Variants in ADNP2 observed in about 807,000 individuals in gnomAD.
ADNP2 encodes the protein activity-dependent neuroprotector homeobox protein 2.
Under a neutral mutation model 16.4 loss-of-function variants are expected in ADNP2, and 8 were observed. That is an observed-to-expected ratio of 0.49 (90% CI 0.29 to 0.88). The LOEUF (loss-of-function observed/expected upper bound fraction) is 0.88. Ranked by LOEUF, ADNP2 falls within the 40% of genes least tolerant of loss-of-function variation. The pLI, the probability that ADNP2 is intolerant of heterozygous loss-of-function variation, is 0.09. For synonymous variants in ADNP2, 637 were observed against 545.8 expected, an observed-to-expected ratio of 1.17 and a Z score of -2.33; for missense variants, 1,397 against 1,395.1, an observed-to-expected ratio of 1.00 and a Z score of -0.02.
intron 2 of ADNP2, among the ~76,000 whole-genome samples, chr18:80,123,002 A>AT (rs376796232): frequency 4.3e-4 from 64 of 149,362 alleles, no homozygotes; most frequent in African/African-American, 1.3e-3. Flanking sequence ...TTTCTGAGTG[A>AT]TTTTTTTTTT....
At position 80,109,334 on chromosome 18, in the gene ADNP2, G is replaced by A. The variant is rs1256656336; in HGVS notation, c.-152G>A. Reference sequence around the variant, plus strand: ...GTCGCGCTGGGGGTGGGCGCGCGCTGAGGCGGGGGTCCCGCCGCGCGGGGC... The same window carrying A: ...GTCGCGCTGGGGGTGGGCGCGCGCTAAGGCGGGGGTCCCGCCGCGCGGGGC... On this transcript the variant is annotated 5_prime_UTR_variant, in exon 1 of 4. Coordinates refer to ENST00000262198, the MANE Select transcript of ADNP2 (RefSeq NM_014913.4). 1 of 150,578 alleles carries A rather than the reference G, an allele frequency of 6.6e-6. No individual in the cohort carries two copies. Among genetic ancestry groups the A allele is most frequent in the Non-Finnish European group, 1.5e-5 (1 of 67,568 alleles). 9.3% of individuals were successfully genotyped at this position (150,578 alleles called of 1,614,324 possible).
rs1229520864 is a variant in ADNP2, at chr18:80,136,845, A to G, written c.1432A>G (p.Thr478Ala). Residue 478 changes from threonine to alanine, a missense_variant, in exon 4 of 4, where the codon ACT (threonine) becomes GCT (alanine). Physicochemically the swap from Thr to Ala is moderately conservative, Grantham distance 58. This residue lies in a region of ADNP2 where 777 missense variants were observed against 719.4 expected (regional missense o/e 1.08). Transcript: ENST00000262198. ...GQTATSGVLP[T>A]GQMVQSGVLP... ...AACAGCAACTTCTGGGGTTCTTCCTACTGGCCAGATGGTCCAGTCAGGAGT... is the reference window on the plus strand; with the variant it reads ...AACAGCAACTTCTGGGGTTCTTCCTGCTGGCCAGATGGTCCAGTCAGGAGT... 11 of 1,613,580 alleles carry G rather than the reference A, an allele frequency of 6.8e-6. No individual in the cohort carries two copies. The highest frequency in any genetic ancestry group is 2.7e-5 in the African/African-American group (2 of 74,730).
intron 2 of ADNP2, among the ~76,000 whole-genome samples, chr18:80,120,634 G>T (rs187537314): frequency 6.6e-6 from 1 of 151,900 alleles, no homozygotes; most frequent in Non-Finnish European, 1.5e-5. Flanking sequence ...ACTACACCTG[G>T]CCCATGACTG....
chr18:80,129,493 G>C (rs953721496), intron 2 of ADNP2, among the ~76,000 whole-genome samples: 1 of 152,152 alleles, frequency 6.6e-6, no homozygotes, highest in Non-Finnish European at 1.5e-5. Flanking sequence ...TGCTTTCCCT[G>C]ACTGTTGGCC....
intron 2 of ADNP2, among the ~76,000 whole-genome samples, chr18:80,124,486 G>GATAC (rs2052445396): frequency 6.6e-6 from 1 of 152,216 alleles, no homozygotes; most frequent in African/African-American, 2.4e-5. Context: ...CAGTGAAAGA[G>GATAC]ATACATAGGG....
chr18:80,126,976 C>T (rs1437820358), intron 2 of ADNP2, among the ~76,000 whole-genome samples: 2 of 152,192 alleles, frequency 1.3e-5, no homozygotes, highest in African/African-American at 2.4e-5. Context: ...TGAGGCGCCA[C>T]ACAGGCATCG....
In ADNP2 at chr18:80,137,757, A is replaced by C; in HGVS notation, c.2344A>C (p.Ile782Leu). Reference protein sequence around the residue: ...CLFCPCTFHDIKGLSEHSRNR... With the variant: ...CLFCPCTFHDLKGLSEHSRNR... ...GTTCTGTCCATGCACCTTCCATGAT[A>C]TCAAAGGTCTTTCAGAGCACAGCAG... Residue 782 changes from isoleucine to leucine, a missense_variant, in exon 4 of 4, where the codon ATC (isoleucine) becomes CTC (leucine). This residue lies in a region of ADNP2 where 611 missense variants were observed against 648.7 expected (regional missense o/e 0.94). Coordinates refer to ENST00000262198, the MANE Select transcript of ADNP2 (RefSeq NM_014913.4). This position sits in a 1 kb window ranked among gnomAD's most constrained non-coding sequence, Gnocchi z 4.2. 1 of 1,614,104 alleles carries C rather than the reference A, an allele frequency of 6.2e-7. No individual in the cohort carries two copies. The highest frequency in any genetic ancestry group is 8.5e-7 in the Non-Finnish European group (1 of 1,180,040).
At chr18:80,124,536 G>A (rs542014239) in intron 2 of ADNP2, among the ~76,000 whole-genome samples, 17 of 152,276 alleles carry the variant, frequency 1.1e-4, no homozygotes, top group Non-Finnish European at 1.8e-4. Context: ...CAGGCCCTCC[G>A]CGGGTACTCA....
chr18:80,138,968 A>G lies in ADNP2; in HGVS notation c.*159A>G. 1 of 562,994 alleles carries G rather than the reference A, an allele frequency of 1.8e-6. No individual in the cohort carries two copies. The highest frequency in any genetic ancestry group is 2.8e-6 in the Non-Finnish European group (1 of 353,916). The allele number at this position is 562,994 out of a possible 1,614,324, so 34.9% of individuals were successfully genotyped here. A position where few individuals can be genotyped will look rare whatever the true frequency, so the allele number is the denominator to read the frequency against. ...AGGTGCTGGAGAGACCCCTGTTACCAGGAAGCCAGTAGTTATTTCACATCT... is the reference window on the plus strand; with the variant it reads ...AGGTGCTGGAGAGACCCCTGTTACCGGGAAGCCAGTAGTTATTTCACATCT... On this transcript the variant is annotated 3_prime_UTR_variant, in exon 4 of 4. Coordinates refer to ENST00000262198, the MANE Select transcript of ADNP2 (RefSeq NM_014913.4).
chr18:80,129,056 A>G lies in ADNP2; in HGVS notation c.109-4047A>G, dbSNP rs535118961. 7.8e-4 allele frequency among the ~76,000 whole-genome samples: 115 copies of G among 148,356 alleles called. 1 individual carries two copies. Among genetic ancestry groups the G allele is most frequent in the Admixed American group, 3.3e-3 (50 of 15,016 alleles). On this transcript the variant is annotated intron_variant, in intron 2 of 3. Transcript: ENST00000262198. Reference sequence around the variant, plus strand: ...GTATTACATATTCACCTTATTTAATATGCAGTCCATACTCAGATTTCTTCA... The same window carrying G: ...GTATTACATATTCACCTTATTTAATGTGCAGTCCATACTCAGATTTCTTCA...
rs770698791 is a variant in ADNP2, at chr18:80,135,818, G to C, written c.405G>C (p.Gln135His). Residue 135 changes from glutamine (Q) to histidine (H), a missense_variant, in exon 4 of 4, where the codon CAG becomes CAC. Gln to His is a conservative substitution (Grantham distance 24). Coordinates refer to ENST00000262198, the MANE Select transcript of ADNP2 (RefSeq NM_014913.4). ...RMFHAPVRKV[Q>H]NYTVNILGET... ...TCCATGCACCTGTCCGGAAAGTCCAGAACTACACAGTGAATATTTTAGGTG... is the reference window on the plus strand; with the variant it reads ...TCCATGCACCTGTCCGGAAAGTCCACAACTACACAGTGAATATTTTAGGTG... 2.5e-6 allele frequency: 4 copies of C among 1,614,044 alleles called. No individual in the cohort carries two copies. Among genetic ancestry groups the C allele is most frequent in the Non-Finnish European group, 1.7e-6 (2 of 1,180,014 alleles).
In ADNP2 at chr18:80,136,632, G is replaced by T; in HGVS notation, c.1219G>T (p.Val407Leu). The change falls in exon 4 of 4, where the codon GTG becomes TTG. Residue 407 changes from valine (V) to leucine (L), a missense_variant. Val to Leu is a conservative substitution (Grantham distance 32, BLOSUM62 1). Coordinates refer to ENST00000262198, the MANE Select transcript of ADNP2 (RefSeq NM_014913.4). ...TGGGGTTTTACCCCTCACCCAGCCT[G>T]TGGGACCCATAAACAGACCTGTTGG... The part of the protein sequence containing the change: ...RPGVLPLTQP[V>L]GPINRPVGPG... 1 of 1,614,184 alleles carries T rather than the reference G, an allele frequency of 6.2e-7. No homozygotes were observed. Among genetic ancestry groups the T allele is most frequent in the Non-Finnish European group, 8.5e-7 (1 of 1,180,024 alleles).
chr18:80,118,179 C>T (rs557224968), intron 2 of ADNP2, among the ~76,000 whole-genome samples: 150 of 152,244 alleles, frequency 9.9e-4, no homozygotes, highest in African/African-American at 2.8e-3. Flanking sequence ...AATCTCAGCA[C>T]TTTGGGAGGC....
At position 80,135,808 on chromosome 18, in the gene ADNP2, G is replaced by A. The variant is rs139600625; in HGVS notation, c.395G>A (p.Arg132Gln). 8.1e-6 allele frequency: 13 copies of A among 1,613,964 alleles called. 1 individual carries two copies. In the East Asian group the frequency reaches 2.2e-4, roughly 28 times the overall value. Residue 132 changes from arginine (R) to glutamine (Q), a missense_variant, in exon 4 of 4, where the codon CGG (arginine) becomes CAG (glutamine). Arg to Gln is a conservative substitution (Grantham distance 43, BLOSUM62 1). Around this residue, in one of 3 missense-constraint regions of ADNP2, gnomAD observed 777 missense variants for 719.4 expected, o/e 1.08. Transcript: ENST00000262198. ...RHFRMFHAPV[R>Q]KVQNYTVNIL... Reference sequence around the variant, plus strand: ...TTCAGAATGTTCCATGCACCTGTCCGGAAAGTCCAGAACTACACAGTGAAT... The same window carrying A: ...TTCAGAATGTTCCATGCACCTGTCCAGAAAGTCCAGAACTACACAGTGAAT...
chr18:80,134,647 A>G (rs943915783), intron 3 of ADNP2, among the ~76,000 whole-genome samples: 7 of 152,158 alleles, frequency 4.6e-5, no homozygotes, highest in African/African-American at 1.7e-4. Flanking sequence ...CAAACCAGCA[A>G]GTCTTACTAG....
At chr18:80,120,491 C>T (rs1363069890) in intron 2 of ADNP2, among the ~76,000 whole-genome samples, 1 of 151,898 alleles carries the variant, frequency 6.6e-6, no homozygotes, top group African/African-American at 2.4e-5. Context: ...ACCACCACAC[C>T]TGGGTAATTT....
At position 80,136,868 on chromosome 18, in the gene ADNP2, A is replaced by C. The variant is rs765393854; in HGVS notation, c.1455A>C (p.Gly485=). The C allele has an allele frequency of 2.5e-6, 4 of 1,613,832 alleles. No individual in the cohort carries two copies. In the Admixed American group the frequency reaches 6.7e-5, roughly 27 times the overall value. Residue 485 remains glycine (G), a synonymous_variant, in exon 4 of 4, where the codon GGA becomes GGC. Coordinates refer to ENST00000262198, the MANE Select transcript of ADNP2 (RefSeq NM_014913.4). ...VLPTGQMVQS[G]VLPVGQTAPS... ...CTACTGGCCAGATGGTCCAGTCAGG[A>C]GTTCTCCCTGTGGGCCAGACAGCTC...
In ADNP2 at chr18:80,134,779, C is replaced by T. The variant is rs2052521304; in HGVS notation, c.199-833C>T. ...GTCAGTGTTGCGTTCTGTGGCCTTA[C>T]CCTTATCTTAGGGTCATCCATAGTG... On this transcript the variant is annotated intron_variant, in intron 3 of 3. Transcript: ENST00000262198. Among the ~76,000 whole-genome samples, 3 of 152,158 alleles carry T rather than the reference C, an allele frequency of 2.0e-5. No homozygotes were observed. In the South Asian group the frequency reaches 6.2e-4, roughly 32 times the overall value.
In ADNP2 at chr18:80,117,433, T is replaced by C. The variant is rs140649538; in HGVS notation, c.-13-97T>C. Reference sequence around the variant, plus strand: ...TTCTACAACAATTTGTTGAAAATTATACTCTATTCCTAGTGTTTTACCAAC... The same window carrying C: ...TTCTACAACAATTTGTTGAAAATTACACTCTATTCCTAGTGTTTTACCAAC... On this transcript the variant is annotated intron_variant, in intron 1 of 3. Coordinates refer to ENST00000262198, the MANE Select transcript of ADNP2 (RefSeq NM_014913.4). 1.4e-4 allele frequency: 91 copies of C among 645,554 alleles called. No homozygotes were observed. In the East Asian group the frequency reaches 2.6e-3, roughly 18 times the overall value. The allele number at this position is 645,554 out of a possible 1,614,324, so 40.0% of individuals were successfully genotyped here.
Sources: allele counts gnomAD v4.1 joint callset (sites outside exome capture counted in the v4.1 genomes callset), GRCh38; gene constraint gnomAD v4.1.1; regional missense constraint gnomAD v4.1.1; non-coding constraint Gnocchi (gnomAD v3.1); transcripts MANE v1.5; gene names NCBI Gene and HGNC (gene_info 2026-07-23, HGNC 2026-07-21).